TMEM150C: variants seen among roughly 807,000 people sequenced by gnomAD.
The protein encoded by TMEM150C is tentonin 3.
Under a neutral mutation model 29.9 loss-of-function variants are expected in TMEM150C, and 10 were observed. The observed-to-expected ratio is 0.33, with a 90% CI of 0.21 to 0.57. The LOEUF (loss-of-function observed/expected upper bound fraction) is 0.57. Ranked by LOEUF, TMEM150C falls within the 20% of genes least tolerant of loss-of-function variation. TMEM150C has a pLI of 0.88. For synonymous variants in TMEM150C, 101 were observed against 112.5 expected, an observed-to-expected ratio of 0.90 and a Z score of 0.64; for missense variants, 251 against 303.6, an observed-to-expected ratio of 0.83 and a Z score of 1.29.
intron 1 of TMEM150C, among the ~76,000 whole-genome samples, chr4:82,552,653 T>G (rs964012995): frequency 1.3e-5 from 2 of 152,198 alleles, no homozygotes; most frequent in African/African-American, 4.8e-5. Flanking sequence ...AAAAAAAGTT[T>G]GGTGTCTGAG....
At chr4:82,525,391 A>T (rs1724620665) in intron 1 of TMEM150C, among the ~76,000 whole-genome samples, 1 of 152,214 alleles carries the variant, frequency 6.6e-6, no homozygotes, top group Admixed American at 6.5e-5. Context: ...TCCAAAGTCT[A>T]GTTCAGTGAT....
intron 1 of TMEM150C, among the ~76,000 whole-genome samples, chr4:82,557,666 A>G (rs1179709668): frequency 6.6e-6 from 1 of 152,054 alleles, no homozygotes. Flanking sequence ...CAGTTTTTAG[A>G]GTAGGGTTGA....
chr4:82,532,911 G>A (rs896361274), intron 1 of TMEM150C, among the ~76,000 whole-genome samples: 3 of 151,958 alleles, frequency 2.0e-5, no homozygotes, highest in Non-Finnish European at 4.4e-5. Flanking sequence ...TGTATTTTTA[G>A]TACAGACAGG....
chr4:82,555,845 T>C (rs866739952), intron 1 of TMEM150C, among the ~76,000 whole-genome samples: 1 of 152,232 alleles, frequency 6.6e-6, no homozygotes, highest in Non-Finnish European at 1.5e-5. Flanking sequence ...GGAGGACTTG[T>C]TAAGCACTCA....
At chr4:82,530,621 G>A (rs1724811931) in intron 1 of TMEM150C, among the ~76,000 whole-genome samples, 1 of 152,194 alleles carries the variant, frequency 6.6e-6, no homozygotes, top group Non-Finnish European at 1.5e-5. Context: ...AATTGGCCTG[G>A]AATTCCTAAG....
At chr4:82,539,824 T>C (rs1725140163) in intron 1 of TMEM150C, among the ~76,000 whole-genome samples, 1 of 152,244 alleles carries the variant, frequency 6.6e-6, no homozygotes, top group East Asian at 1.9e-4. Flanking sequence ...TATTGAGGAC[T>C]ACCTATAAGA....
At chr4:82,557,975 C>T (rs1392908466) in intron 1 of TMEM150C, among the ~76,000 whole-genome samples, 1 of 152,076 alleles carries the variant, frequency 6.6e-6, no homozygotes, top group Admixed American at 6.6e-5. Flanking sequence ...TCATGATCCA[C>T]CCGCCTCAGC....
chr4:82,559,441 G>T (rs1041421004), intron 1 of TMEM150C, among the ~76,000 whole-genome samples: 1 of 151,734 alleles, frequency 6.6e-6, no homozygotes, highest in Non-Finnish European at 1.5e-5. Context: ...TGTAATCCCA[G>T]CTACTTGGGA....
At position 82,505,016 on chromosome 4, in the gene TMEM150C, C is replaced by T. The variant is rs1255752106; in HGVS notation, c.-10-349G>A. On this transcript the variant is annotated intron_variant, in intron 1 of 7. Transcript: ENST00000449862. ...CTGTACTCCAGCCTGGGCGTCAGAG[C>T]GAGACTGTCTCAAAACAAACAAAAA... Among the ~76,000 whole-genome samples, 4 of 151,692 alleles carry T rather than the reference C, an allele frequency of 2.6e-5. No individual in the cohort carries two copies. The East Asian group carries it at 7.8e-4, about 29-fold the overall frequency.
chr4:82,508,951 G>C (rs1724028822), intron 1 of TMEM150C, among the ~76,000 whole-genome samples: 1 of 152,132 alleles, frequency 6.6e-6, no homozygotes, highest in African/African-American at 2.4e-5. Flanking sequence ...AAACCTTCTT[G>C]AAAGGGTTCT....
rs1478841432 is a variant in TMEM150C, at chr4:82,483,337, C to T, written c.*2174G>A. 1 of 152,046 alleles carries T rather than the reference C, an allele frequency of 6.6e-6. No individual in the cohort carries two copies. The highest frequency in any genetic ancestry group is 1.5e-5 in the Non-Finnish European group (1 of 68,002). 9.4% of individuals were successfully genotyped at this position (152,046 alleles called of 1,614,324 possible). A position where few individuals can be genotyped will look rare whatever the true frequency, so the allele number is the denominator to read the frequency against. On this transcript the variant is annotated 3_prime_UTR_variant, in exon 8 of 8. Transcript: ENST00000449862. ...GATTGTGTAGAATAAAAGAAAACTA[C>T]ATAAGTCTTTGTTCTTTGATAAAAA...
intron 1 of TMEM150C, among the ~76,000 whole-genome samples, chr4:82,517,539 C>A (rs1487338846): frequency 1.3e-5 from 2 of 152,206 alleles, no homozygotes; most frequent in South Asian, 2.1e-4. Context: ...GGAATGAATT[C>A]TCTCTTTTCT....
chr4:82,548,226 G>A (rs1193094825), intron 1 of TMEM150C, among the ~76,000 whole-genome samples: 1 of 152,076 alleles, frequency 6.6e-6, no homozygotes, highest in Non-Finnish European at 1.5e-5. Flanking sequence ...TAACTATTGG[G>A]TACTATGCTC....
intron 6 of TMEM150C, among the ~76,000 whole-genome samples, chr4:82,493,904 A>G (rs1030985832): frequency 6.6e-6 from 1 of 152,168 alleles, no homozygotes. Flanking sequence ...AGTTAGAGGA[A>G]TTGGTGGGAT....
intron 1 of TMEM150C, among the ~76,000 whole-genome samples, chr4:82,547,431 A>C (rs1262370500): frequency 6.6e-6 from 1 of 152,064 alleles, no homozygotes; most frequent in Non-Finnish European, 1.5e-5. Flanking sequence ...TCTACTAAAA[A>C]TACAAAAATC....
chr4:82,503,002 G>C, intron 3 of TMEM150C, 57 bp downstream of exon 3: 2 of 1,604,622 alleles, frequency 1.2e-6, no homozygotes, highest in Non-Finnish European at 1.7e-6. Flanking sequence ...CTTCCCAGTG[G>C]GAAAGTTTTT....
chr4:82,513,262 G>T (rs953832083), intron 1 of TMEM150C, among the ~76,000 whole-genome samples: 1 of 152,140 alleles, frequency 6.6e-6, no homozygotes, highest in Non-Finnish European at 1.5e-5. Flanking sequence ...AATCTTTGCT[G>T]GTCTTCAGCC....
chr4:82,496,242 C>G (rs1302427783), intron 5 of TMEM150C, 47 bp from the exon 6 acceptor site: 2 of 1,552,740 alleles, frequency 1.3e-6, no homozygotes, highest in Admixed American at 3.7e-5. Flanking sequence ...AAATCACACA[C>G]CTAGACTGTG....
Position 82,485,399 on chromosome 4 carries a change from T to TGTGTGC in TMEM150C, c.*111_*112insGCACAC. The TGTGTGC allele has an allele frequency of 1.3e-6, 1 of 779,088 alleles. No individual in the cohort carries two copies. The highest frequency in any genetic ancestry group is 2.1e-6 in the Non-Finnish European group (1 of 480,576). The allele number at this position is 779,088 out of a possible 1,614,324, so 48.3% of individuals were successfully genotyped here. Reference sequence around the variant, plus strand: ...CATTTGGCAAATGTGGCCATGAATGTGTGTGTGTGTGTGTGTGTGAAATGA... The same window carrying TGTGTGC: ...CATTTGGCAAATGTGGCCATGAATGTGTGTGCGTGTGTGTGTGTGTGTGTGAAATGA... On this transcript the variant is annotated 3_prime_UTR_variant, in exon 8 of 8. Coordinates refer to ENST00000449862, the MANE Select transcript of TMEM150C (RefSeq NM_001080506.3).
Sources: gnomAD v4.1 joint callset for allele counts (sites outside exome capture counted in the v4.1 genomes callset) on GRCh38, gnomAD v4.1.1 for gene constraint, MANE v1.5 for transcripts, NCBI Gene and HGNC (gene_info 2026-07-23, HGNC 2026-07-21) for gene names.